Variants in CDH8 observed in about 807,000 individuals in gnomAD.
The protein encoded by CDH8 is cadherin 8.
A neutral mutation model predicts 68.1 loss-of-function variants in CDH8; 17 were observed. The observed-to-expected ratio is 0.25, with a 90% CI of 0.17 to 0.37. The LOEUF is 0.37. Ranked by LOEUF, CDH8 falls within the 10% of genes least tolerant of loss-of-function variation. The probability of loss-of-function intolerance (pLI) is 1.00; values close to 1 mark genes in which losing one functional copy is unlikely to be tolerated. For missense variants in CDH8, 763 were observed against 999.3 expected (o/e 0.76, Z 3.19); for synonymous variants, 372 against 365.1 (o/e 1.02, Z -0.21).
intron 1 of CDH8, among the ~76,000 whole-genome samples, chr16:62,028,990 C>A (rs557557564): frequency 1.3e-5 from 2 of 152,126 alleles, no homozygotes; most frequent in Non-Finnish European, 2.9e-5. Context: ...GTAATTCAGC[C>A]GAACTGTGGA....
At chr16:61,811,040 AAAAG>A (rs1161091724) in intron 7 of CDH8, among the ~76,000 whole-genome samples, 1 of 151,602 alleles carries the variant, frequency 6.6e-6, no homozygotes, top group East Asian at 1.9e-4. Flanking sequence ...AAAAAAAAAA[AAAAG>A]AAGACTAGTT....
At chr16:61,687,271 A>G (rs919530552) in intron 10 of CDH8, among the ~76,000 whole-genome samples, 2 of 152,008 alleles carry the variant, frequency 1.3e-5, no homozygotes, top group Non-Finnish European at 2.9e-5. Context: ...AATCGGTCAC[A>G]AAGTTCATAA....
chr16:61,815,613 C>T (rs1188089511), intron 7 of CDH8, among the ~76,000 whole-genome samples: 1 of 152,104 alleles, frequency 6.6e-6, no homozygotes, highest in African/African-American at 2.4e-5. Flanking sequence ...TATCTGAACC[C>T]TTATTTTCCC....
chr16:61,675,278 G>A (rs1284733222), intron 10 of CDH8, among the ~76,000 whole-genome samples: 2 of 151,976 alleles, frequency 1.3e-5, no homozygotes, highest in Admixed American at 6.6e-5. Flanking sequence ...CATAAAAAAT[G>A]ATGAGTTCAT....
intron 10 of CDH8, among the ~76,000 whole-genome samples, chr16:61,704,804 C>A (rs1369845342): frequency 6.6e-6 from 1 of 152,102 alleles, no homozygotes; most frequent in Non-Finnish European, 1.5e-5. Context: ...GATAGATGAG[C>A]CTTTAGCTCC....
At chr16:61,895,412 T>C (rs1333886211) in intron 3 of CDH8, among the ~76,000 whole-genome samples, 1 of 152,124 alleles carries the variant, frequency 6.6e-6, no homozygotes, top group East Asian at 1.9e-4. Flanking sequence ...AAATAAAGAA[T>C]AGAAAAACTA....
chr16:61,796,664 C>T (rs1596975561), intron 7 of CDH8, among the ~76,000 whole-genome samples: 1 of 152,114 alleles, frequency 6.6e-6, no homozygotes, highest in East Asian at 1.9e-4. Context: ...CTTCTAATAC[C>T]ACCATTCCTC....
chr16:61,930,747 T>G lies in CDH8; in HGVS notation c.253-29274A>C, dbSNP rs1022950141. On this transcript the variant is annotated intron_variant, in intron 2 of 11. Transcript: ENST00000577390. ...GATTTAAAATGCCTAAAGTAAGAGT[T>G]TGTACTATATCATTTATTTCTCCTT... Among the ~76,000 whole-genome samples, 6 of 152,200 alleles carry G rather than the reference T, an allele frequency of 3.9e-5. 1 individual carries two copies. Among genetic ancestry groups the G allele is most frequent in the African/African-American group, 1.2e-4 (5 of 41,438 alleles).
rs1161615359 is a variant in CDH8, at chr16:61,651,941, T to C, written c.*1667A>G. The C allele has an allele frequency of 9.5e-6, 3 of 315,592 alleles. No individual in the cohort carries two copies. Among genetic ancestry groups the C allele is most frequent in the South Asian group, 1.3e-4 (1 of 7,914 alleles). 19.5% of individuals were successfully genotyped at this position (315,592 alleles called of 1,614,324 possible). A position where few individuals can be genotyped will look rare whatever the true frequency, so the allele number is the denominator to read the frequency against. ...GATGATTTGGTTGAGTATTCTAGAA[T>C]TTTAGTTTGAGTTGATGATTCTGTT... On this transcript the variant is annotated 3_prime_UTR_variant, in exon 12 of 12. Transcript: ENST00000577390.
At chr16:61,904,190 T>A (rs1329653284) in intron 2 of CDH8, among the ~76,000 whole-genome samples, 1 of 152,202 alleles carries the variant, frequency 6.6e-6, no homozygotes, top group Non-Finnish European at 1.5e-5. Flanking sequence ...AGACTGTAGG[T>A]GTGCAAAACC....
chr16:61,726,192 G>C (rs1163246212), intron 9 of CDH8: 2 of 150,886 alleles, frequency 1.3e-5, no homozygotes, highest in Non-Finnish European at 3.0e-5. Flanking sequence ...GTCAGCTGCT[G>C]TTTATTTAAA....
At chr16:61,753,599 A>G (rs1960228799) in intron 8 of CDH8, among the ~76,000 whole-genome samples, 1 of 152,168 alleles carries the variant, frequency 6.6e-6, no homozygotes, top group Admixed American at 6.6e-5. Context: ...TCCCACTTAA[A>G]CAATTTTTAT....
At chr16:61,808,065 T>C (rs1415897098) in intron 7 of CDH8, among the ~76,000 whole-genome samples, 1 of 152,210 alleles carries the variant, frequency 6.6e-6, no homozygotes. Flanking sequence ...TAAATATGCA[T>C]GAATAAAGAC....
At chr16:61,929,791 G>A (rs886925336) in intron 2 of CDH8, among the ~76,000 whole-genome samples, 4 of 152,120 alleles carry the variant, frequency 2.6e-5, no homozygotes, top group African/African-American at 9.7e-5. Context: ...TTGGGTAGCT[G>A]AGGCAGGAGG....
intron 2 of CDH8, among the ~76,000 whole-genome samples, chr16:61,905,219 G>C (rs955508021): frequency 2.6e-5 from 4 of 152,248 alleles, no homozygotes; most frequent in Admixed American, 6.5e-5. Flanking sequence ...GGGCAGGTAG[G>C]ACTCATTCAG....
chr16:61,668,604 T>C (rs1251970281), intron 10 of CDH8, among the ~76,000 whole-genome samples: 1 of 151,908 alleles, frequency 6.6e-6, no homozygotes, highest in Admixed American at 6.6e-5. Context: ...GAAAGAATAT[T>C]TTATCTATTT....
intron 2 of CDH8, among the ~76,000 whole-genome samples, chr16:62,000,940 A>G (rs1478197500): frequency 6.6e-6 from 1 of 152,234 alleles, no homozygotes; most frequent in Non-Finnish European, 1.5e-5. Flanking sequence ...ACAATTACAT[A>G]GCACCATTAT....
chr16:61,979,897 C>T (rs142755495), intron 2 of CDH8, among the ~76,000 whole-genome samples: 5 of 152,240 alleles, frequency 3.3e-5, no homozygotes, highest in Admixed American at 2.0e-4. Flanking sequence ...ATTTGGAATC[C>T]ACCTTGTTGA....
rs1417026181 is a variant in CDH8 at position 61,919,158 on chromosome 16, C to T, written c.253-17685G>A. Among the ~76,000 whole-genome samples the T allele has an allele frequency of 4.1e-5, 6 of 145,242 alleles. 1 individual carries two copies. The highest frequency in any genetic ancestry group is 4.5e-4 in the East Asian group (2 of 4,416). ...AGAAAGGACATCCACACCGAAAACC[C>T]ATCTGTACATCACCATCATCAAAGA... On this transcript the variant is annotated intron_variant, in intron 2 of 11. Transcript: ENST00000577390.
Sources: allele counts gnomAD v4.1 joint callset (sites outside exome capture counted in the v4.1 genomes callset), GRCh38; gene constraint gnomAD v4.1.1; transcripts MANE v1.5; gene names NCBI Gene and HGNC (gene_info 2026-07-23, HGNC 2026-07-21).